The following SDF4 variants were observed in gnomAD, a reference collection of about 807,000 sequenced individuals.
SDF4 encodes the protein 45 kDa calcium-binding protein.
Under a neutral mutation model 34.2 loss-of-function variants are expected in SDF4, and 22 were observed. The ratio of observed to expected loss-of-function variants is 0.64; its 90% CI spans 0.46 to 0.92. The LOEUF is 0.92. Ranked by LOEUF, SDF4 falls within the 40% of genes least tolerant of loss-of-function variation. SDF4 has a pLI of 0.00. For missense variants in SDF4, 447 were observed against 499.9 expected, an observed-to-expected ratio of 0.89 and a Z score of 1.01; for synonymous variants, 236 against 203.1, an observed-to-expected ratio of 1.16 and a Z score of -1.38.
chr1:1,228,878 A>C lies in SDF4; in HGVS notation c.-106T>G. 4 of 1,055,030 alleles carry C rather than the reference A, an allele frequency of 3.8e-6. No individual in the cohort carries two copies. Among genetic ancestry groups the C allele is most frequent in the Non-Finnish European group, 5.4e-6 (4 of 739,776 alleles). The allele number at this position is 1,055,030 out of a possible 1,614,324, so 65.4% of individuals were successfully genotyped here. On this transcript the variant is annotated 5_prime_UTR_variant, in exon 2 of 7. Transcript: ENST00000360001. ...GAAGTGAGGTCCTGGCTCCAATCCAATCCCCGGGCACCACGGAGGGCTCTG... is the reference window on the plus strand; with the variant it reads ...GAAGTGAGGTCCTGGCTCCAATCCACTCCCCGGGCACCACGGAGGGCTCTG...
At chr1:1,226,784 C>T (rs185430416) in intron 2 of SDF4, among the ~76,000 whole-genome samples, 1 of 152,346 alleles carries the variant, frequency 6.6e-6, no homozygotes, top group Admixed American at 6.5e-5. Flanking sequence ...CCCGGTCCAG[C>T]TGGAGACGCA....
At chr1:1,223,785 T>TTCCCCCCCCCCCCCC in intron 3 of SDF4, 47 bp downstream of exon 3, 1 of 552,546 alleles carries the variant, frequency 1.8e-6, no homozygotes, top group Non-Finnish European at 3.2e-6. Flanking sequence ...CCCATGGCCC[T>TTCCCCCCCCCCCCCC]GCCCGCCCCG....
rs756673620 is a variant in SDF4, at chr1:1,217,480, C to G, written c.*32G>C. 12 of 1,462,062 alleles carry G rather than the reference C, an allele frequency of 8.2e-6. No homozygotes were observed. In the Admixed American group the frequency reaches 3.1e-4, roughly 38 times the overall value. The allele number at this position is 1,462,062 out of a possible 1,614,324, so 90.6% of individuals were successfully genotyped here. On this transcript the variant is annotated 3_prime_UTR_variant, in exon 7 of 7. Coordinates refer to ENST00000360001, the MANE Select transcript of SDF4 (RefSeq NM_016176.6). The surrounding 1 kb of genome is among the most constrained non-coding windows in gnomAD (Gnocchi z 8.5). ...CACCCGCGAGGCCGCCCCGGTGGTG[C>G]GTGGGGGGCGGCGCGGGGCGCGGCC...
intron 1 of SDF4, among the ~76,000 whole-genome samples, chr1:1,230,442 G>C (rs961105024): frequency 6.6e-6 from 1 of 152,004 alleles, no homozygotes; most frequent in African/African-American, 2.4e-5. Context: ...AGGAAACCCT[G>C]GGTGAGGGGC....
At position 1,217,656 on chromosome 1, in the gene SDF4, C is replaced by A. The variant is rs759155735; in HGVS notation, c.924G>T (p.Ala308=). 20 of 1,613,722 alleles carry A rather than the reference C, an allele frequency of 1.2e-5. No individual in the cohort carries two copies. The East Asian group carries it at 4.2e-4, about 34-fold the overall frequency. ...CGATCATCTGCTTGGCCTCGTTCAGCGCGTTGTACTCGTTCATGGGGTCCA... is the reference window on the plus strand; with the variant it reads ...CGATCATCTGCTTGGCCTCGTTCAGAGCGTTGTACTCGTTCATGGGGTCCA... ...SYMDPMNEYN[A]LNEAKQMIAV... is the part of the protein sequence containing the mutation. The change falls in exon 7 of 7, where the codon GCG becomes GCT. Residue 308 remains alanine, a synonymous_variant. Coordinates refer to ENST00000360001, the MANE Select transcript of SDF4 (RefSeq NM_016176.6). This position sits in a 1 kb window ranked among gnomAD's most constrained non-coding sequence, Gnocchi z 8.5.
rs938520368 is a variant in SDF4, at chr1:1,220,890, G to A, written c.557-1963C>T. ...ACGCAGTCAGGACAGCAGGGAACGC[G>A]GGACCGGGGTGGAGGCACGAACCGT... On this transcript the variant is annotated intron_variant, in intron 4 of 6. Coordinates refer to ENST00000360001, the MANE Select transcript of SDF4 (RefSeq NM_016176.6). The A allele has an allele frequency of 2.3e-4, 133 of 589,628 alleles. 2 individuals are homozygous for A. The highest frequency in any genetic ancestry group is 1.5e-3 in the South Asian group (93 of 62,376). 36.5% of individuals were successfully genotyped at this position (589,628 alleles called of 1,614,324 possible). A position where few individuals can be genotyped will look rare whatever the true frequency, so the allele number is the denominator to read the frequency against.
chr1:1,221,920 A>T (rs1468764864), intron 4 of SDF4, among the ~76,000 whole-genome samples: 1 of 152,232 alleles, frequency 6.6e-6, no homozygotes. Flanking sequence ...ACTGCACTGC[A>T]GGCTGGGTAG....
At position 1,217,842 on chromosome 1, in the gene SDF4, C is replaced by G. The variant is rs773613925; in HGVS notation, c.892-154G>C. 1 of 1,530,644 alleles carries G rather than the reference C, an allele frequency of 6.5e-7. No individual in the cohort carries two copies. Among genetic ancestry groups the G allele is most frequent in the African/African-American group, 1.4e-5 (1 of 73,096 alleles). 94.8% of individuals were successfully genotyped at this position (1,530,644 alleles called of 1,614,324 possible). On this transcript the variant is annotated intron_variant, in intron 6 of 6. Coordinates refer to ENST00000360001, the MANE Select transcript of SDF4 (RefSeq NM_016176.6). This position sits in a 1 kb window ranked among gnomAD's most constrained non-coding sequence, Gnocchi z 8.5. The stretch of plus-strand genomic sequence containing the variant: ...CGAAGGGAGGCGGCACAAATGAAAA[C>G]ACAGGGCAGGGAGAAGCCGGGGGCC...
chr1:1,229,590 G>A (rs1017894899), intron 1 of SDF4, among the ~76,000 whole-genome samples: 7 of 152,088 alleles, frequency 4.6e-5, no homozygotes, highest in Admixed American at 6.5e-5. Flanking sequence ...CACCTCCAGG[G>A]GCTAACCTGT....
intron 1 of SDF4, among the ~76,000 whole-genome samples, chr1:1,229,482 G>A (rs976107937): frequency 1.3e-5 from 2 of 152,226 alleles, no homozygotes; most frequent in Non-Finnish European, 2.9e-5. Context: ...AACGTGCTGG[G>A]ATTACAGGCG....
rs1309942913 is a variant in SDF4 at position 1,217,918 on chromosome 1, C to A, written c.892-230G>T. ...GGGGTAACGGGGCACAGGGGCTACA[C>A]AGGCCTGGACCCCAGTTCTGAAGGA... is the stretch of plus-strand genomic sequence containing the variant. On this transcript the variant is annotated intron_variant, in intron 6 of 6. Coordinates refer to ENST00000360001, the MANE Select transcript of SDF4 (RefSeq NM_016176.6). The surrounding 1 kb of genome is among the most constrained non-coding windows in gnomAD (Gnocchi z 8.5). The A allele has an allele frequency of 1.6e-5, 19 of 1,178,588 alleles. No homozygotes were observed. The highest frequency in any genetic ancestry group is 2.2e-5 in the Non-Finnish European group (19 of 870,522). The allele number at this position is 1,178,588 out of a possible 1,614,324, so 73.0% of individuals were successfully genotyped here.
intron 4 of SDF4, chr1:1,220,476 C>T (rs925548384): frequency 4.2e-5 from 50 of 1,188,996 alleles, no homozygotes; most frequent in African/African-American, 1.6e-4. Context: ...GCTTCCCAGG[C>T]CCCTCCTCCA....
chr1:1,229,804 G>A (rs147827899), intron 1 of SDF4, among the ~76,000 whole-genome samples: 235 of 151,832 alleles, frequency 1.5e-3, no homozygotes, highest in Admixed American at 3.7e-3. Context: ...CTCTCCCCCC[G>A]ACTGACCAGG....
intron 4 of SDF4, 90 bp downstream of exon 4, chr1:1,223,154 G>A (rs755574805): frequency 1.4e-5 from 13 of 901,942 alleles, no homozygotes; most frequent in South Asian, 2.7e-5. Flanking sequence ...ACTCATACAC[G>A]ACACACACGG....
chr1:1,228,845 C>G lies in SDF4; in HGVS notation c.-73G>C. 1 of 1,401,028 alleles carries G rather than the reference C, an allele frequency of 7.1e-7. No homozygotes were observed. Among genetic ancestry groups the G allele is most frequent in the African/African-American group, 1.4e-5 (1 of 70,230 alleles). The allele number at this position is 1,401,028 out of a possible 1,614,324, so 86.8% of individuals were successfully genotyped here. ...GTGCTGGGAGGGGCAGGGGCAGGGG[C>G]AGAGGAGGAAGTGAGGTCCTGGCTC... On this transcript the variant is annotated 5_prime_UTR_variant, in exon 2 of 7. Transcript: ENST00000360001.
chr1:1,229,986 C>A (rs890033753), intron 1 of SDF4, among the ~76,000 whole-genome samples: 1 of 152,252 alleles, frequency 6.6e-6, no homozygotes, highest in Non-Finnish European at 1.5e-5. Flanking sequence ...GGCCGAGGAG[C>A]CCAGAAGTCT....
In SDF4 at chr1:1,218,823, C is replaced by CG. The variant is rs1477685714; in HGVS notation, c.660dup (p.Glu221ArgfsTer23). On this transcript the variant is annotated frameshift_variant, in exon 5 of 7. Coordinates refer to ENST00000360001, the MANE Select transcript of SDF4 (RefSeq NM_016176.6). LOFTEE classifies it high-confidence loss of function. The surrounding 1 kb of genome is among the most constrained non-coding windows in gnomAD (Gnocchi z 7.9). Reference sequence around the variant, plus strand: ...AACCTGAGCATTCCCCGGCTGTGCTCGGGGTGGAGGAACGACAGGAACTCC... The same window carrying CG: ...AACCTGAGCATTCCCCGGCTGTGCTCGGGGGTGGAGGAACGACAGGAACTCC... The CG allele has an allele frequency of 1.2e-6, 2 of 1,605,356 alleles. No individual in the cohort carries two copies. Among genetic ancestry groups the CG allele is most frequent in the African/African-American group, 2.7e-5 (2 of 74,744 alleles).
At chr1:1,227,653 C>T (rs1218813653) in intron 2 of SDF4, among the ~76,000 whole-genome samples, 2 of 152,166 alleles carry the variant, frequency 1.3e-5, no homozygotes, top group Non-Finnish European at 2.9e-5. Context: ...GTGAGGCCAG[C>T]GCTGAGTGCA....
At chr1:1,220,528 C>T in intron 4 of SDF4, 2 of 1,220,608 alleles carry the variant, frequency 1.6e-6, no homozygotes, top group Non-Finnish European at 1.0e-6. Context: ...ACCAAATACC[C>T]AAAGAGGTCG....
Sources: allele counts gnomAD v4.1 joint callset (sites outside exome capture counted in the v4.1 genomes callset), GRCh38; gene constraint gnomAD v4.1.1; non-coding constraint Gnocchi (gnomAD v3.1); transcripts MANE v1.5; gene names NCBI Gene and HGNC (gene_info 2026-07-23, HGNC 2026-07-21).